DNAJC1: variants seen among roughly 807,000 people sequenced by gnomAD.
DNAJC1 encodes dnaJ homolog subfamily C member 1.
Under a neutral mutation model 76.6 loss-of-function variants are expected in DNAJC1, and 58 were observed. The observed-to-expected ratio is 0.76, with a 90% CI of 0.61 to 0.94. The LOEUF is 0.94. DNAJC1 is among the 40% of genes least tolerant of loss of function. DNAJC1 has a pLI of 0.00. For synonymous variants in DNAJC1, 258 were observed against 267.9 expected, an observed-to-expected ratio of 0.96 and a Z score of 0.36; for missense variants, 689 against 677.3, an observed-to-expected ratio of 1.02 and a Z score of -0.19.
chr10:21,929,113 G>T lies in DNAJC1; in HGVS notation c.251C>A (p.Ala84Glu). ...QDASSADIRK[A>E]YRKLSLTLHP... is the part of the protein sequence containing the mutation. The stretch of plus-strand genomic sequence containing the variant: ...TAAAGTTAGTGAAAGCTTACGATAT[G>T]CTTTTCTGATGTCTGCAGATGATGC... Residue 84 changes from alanine to glutamate, a missense_variant, in exon 2 of 12, where the codon GCA (alanine) becomes GAA (glutamate). Coordinates refer to ENST00000376980, the MANE Select transcript of DNAJC1 (RefSeq NM_022365.4). 6.2e-7 allele frequency: 1 copy of T among 1,612,274 alleles called. No homozygotes were observed.
chr10:21,982,396 A>G (rs1838172307), intron 1 of DNAJC1, among the ~76,000 whole-genome samples: 1 of 152,202 alleles, frequency 6.6e-6, no homozygotes, highest in African/African-American at 2.4e-5. Flanking sequence ...AAAAAATAAT[A>G]AATTGGACCT....
At chr10:21,809,181 G>C (rs1224607157) in intron 8 of DNAJC1, among the ~76,000 whole-genome samples, 5 of 151,872 alleles carry the variant, frequency 3.3e-5, no homozygotes, top group Non-Finnish European at 7.4e-5. Flanking sequence ...TCCTCTCACA[G>C]CTTTGGACTA....
chr10:21,757,536 G>C (rs957846297), intron 11 of DNAJC1, among the ~76,000 whole-genome samples: 15 of 152,326 alleles, frequency 9.8e-5, no homozygotes, highest in Non-Finnish European at 1.5e-5. Flanking sequence ...TACTCTCCTA[G>C]GATTTTAGCT....
At chr10:21,836,642 G>A (rs1835463436) in intron 8 of DNAJC1, among the ~76,000 whole-genome samples, 2 of 152,130 alleles carry the variant, frequency 1.3e-5, no homozygotes, top group Non-Finnish European at 1.5e-5. Flanking sequence ...GATCTACCAA[G>A]CAAATGGAAA....
intron 8 of DNAJC1, among the ~76,000 whole-genome samples, chr10:21,860,250 T>C (rs1835899470): frequency 6.6e-6 from 1 of 152,100 alleles, no homozygotes; most frequent in African/African-American, 2.4e-5. Flanking sequence ...AACTTCATGT[T>C]TCAGGGTTTT....
At position 21,759,540 on chromosome 10, in the gene DNAJC1, T is replaced by A. The variant is rs1834216959; in HGVS notation, c.1226A>T (p.Asp409Val). Residue 409 changes from aspartate (D) to valine (V), a missense_variant, in exon 11 of 12, where the codon GAC (aspartate) becomes GTC (valine). Asp to Val is a radical substitution (Grantham distance 152). Coordinates refer to ENST00000376980, the MANE Select transcript of DNAJC1 (RefSeq NM_022365.4). ...PIKTATTLPD[D>V]MITQREDAEG... ...TGCGTCCTCTCGCTGGGTGATCATG[T>A]CATCGGGCAAGGTGGTGGCCGTTTT... 1.2e-6 allele frequency: 2 copies of A among 1,614,162 alleles called. No homozygotes were observed. The highest frequency in any genetic ancestry group is 8.5e-7 in the Non-Finnish European group (1 of 1,180,030).
chr10:21,942,141 C>G (rs1837423930), intron 1 of DNAJC1, among the ~76,000 whole-genome samples: 1 of 151,930 alleles, frequency 6.6e-6, no homozygotes, highest in Admixed American at 6.6e-5. Context: ...GCAGAAAACA[C>G]AGATGAAGAA....
chr10:21,759,317 C>G lies in DNAJC1; in HGVS notation c.1449G>C (p.Glu483Asp), dbSNP rs1834212935. 6.2e-7 allele frequency: 1 copy of G among 1,614,118 alleles called. No individual in the cohort carries two copies. Among genetic ancestry groups the G allele is most frequent in the Non-Finnish European group, 8.5e-7 (1 of 1,180,048 alleles). The change falls in exon 11 of 12, where the codon GAG (glutamate) becomes GAC (aspartate). Residue 483 changes from glutamate to aspartate, a missense_variant. By Grantham distance (45) the Glu-to-Asp change is conservative (BLOSUM62 2). Coordinates refer to ENST00000376980, the MANE Select transcript of DNAJC1 (RefSeq NM_022365.4). The stretch of plus-strand genomic sequence containing the variant: ...ACCGAGCTCTCTCTTTTCTCAGGCT[C>G]TCCTCGTCGCTGGACTCGTTTTGTT... Reference protein sequence around the residue: ...IAEQNESSDEESLRKERARSA... With the variant: ...IAEQNESSDEDSLRKERARSA...
chr10:21,887,302 G>C (rs2131727223), intron 7 of DNAJC1, among the ~76,000 whole-genome samples: 1 of 152,252 alleles, frequency 6.6e-6, no homozygotes, highest in South Asian at 2.1e-4. Flanking sequence ...TCATTTAAAT[G>C]GTCATATTGC....
chr10:21,774,912 A>G (rs1431790422), intron 9 of DNAJC1, among the ~76,000 whole-genome samples: 2 of 152,244 alleles, frequency 1.3e-5, no homozygotes, highest in Non-Finnish European at 2.9e-5. Flanking sequence ...TTCTAGTATT[A>G]GAACATAGCC....
chr10:21,917,258 A>G (rs924727556), intron 6 of DNAJC1, among the ~76,000 whole-genome samples: 3 of 152,130 alleles, frequency 2.0e-5, no homozygotes, highest in African/African-American at 4.8e-5. Flanking sequence ...ACAGGCAAGT[A>G]TTTTAAAGTA....
chr10:21,768,610 A>G, intron 9 of DNAJC1, among the ~76,000 whole-genome samples: 1 of 152,246 alleles, frequency 6.6e-6, no homozygotes, highest in Middle Eastern at 3.2e-3. Flanking sequence ...ATTCATACAA[A>G]GAGCAGAATT....
chr10:21,929,768 T>C (rs1837190724), intron 1 of DNAJC1, among the ~76,000 whole-genome samples: 1 of 152,214 alleles, frequency 6.6e-6, no homozygotes, highest in African/African-American at 2.4e-5. Flanking sequence ...CTCCTCAGTC[T>C]GGTTCATACA....
intron 6 of DNAJC1, among the ~76,000 whole-genome samples, chr10:21,916,448 C>T (rs1836958115): frequency 6.6e-6 from 1 of 152,028 alleles, no homozygotes. Flanking sequence ...GAGATCGCGC[C>T]ACTGCACTCC....
intron 7 of DNAJC1, among the ~76,000 whole-genome samples, chr10:21,887,968 T>A (rs1332857961): frequency 1.3e-5 from 2 of 151,946 alleles, no homozygotes; most frequent in Non-Finnish European, 2.9e-5. Context: ...TGGGAGAAAA[T>A]TTTTGAAAAC....
At chr10:21,923,300 G>A (rs572938441) in intron 3 of DNAJC1, among the ~76,000 whole-genome samples, 1 of 151,994 alleles carries the variant, frequency 6.6e-6, no homozygotes, top group South Asian at 2.1e-4. Flanking sequence ...TCATTTTTTA[G>A]AATATATGCT....
At chr10:21,833,554 G>A (rs944104891) in intron 8 of DNAJC1, among the ~76,000 whole-genome samples, 1 of 152,176 alleles carries the variant, frequency 6.6e-6, no homozygotes, top group African/African-American at 2.4e-5. Context: ...GCTATGTCAT[G>A]TATTAGCTAA....
At chr10:21,876,016 CAAT>C (rs1217461297) in intron 8 of DNAJC1, among the ~76,000 whole-genome samples, 1 of 151,526 alleles carries the variant, frequency 6.6e-6, no homozygotes, top group Non-Finnish European at 1.5e-5. Context: ...ATTTGAGACA[CAAT>C]GCCACTTACA....
At chr10:21,990,166 C>T (rs778319803) in intron 1 of DNAJC1, among the ~76,000 whole-genome samples, 14 of 152,114 alleles carry the variant, frequency 9.2e-5, no homozygotes, top group African/African-American at 3.4e-4. Flanking sequence ...AGATGGCATA[C>T]AAGAAATCAT....
Sources: gnomAD v4.1 joint callset for allele counts (sites outside exome capture counted in the v4.1 genomes callset) on GRCh38, gnomAD v4.1.1 for gene constraint, MANE v1.5 for transcripts, NCBI Gene and HGNC (gene_info 2026-07-23, HGNC 2026-07-21) for gene names.